Variants in NGEF observed in about 807,000 individuals in gnomAD.
NGEF encodes neuronal guanine nucleotide exchange factor, also known as ephexin-1.
Under a neutral mutation model 80.9 loss-of-function variants are expected in NGEF, and 31 were observed. The observed-to-expected ratio is 0.38, with a 90% CI of 0.29 to 0.52. The LOEUF (loss-of-function observed/expected upper bound fraction) is 0.52. Ranked by LOEUF, NGEF falls within the 20% of genes least tolerant of loss-of-function variation. NGEF has a pLI of 0.84. For synonymous variants in NGEF, 371 were observed against 370.2 expected, an observed-to-expected ratio of 1.00 and a Z score of -0.03; for missense variants, 709 against 926.2, an observed-to-expected ratio of 0.77 and a Z score of 3.04.
At chr2:233,001,263 C>G (rs547922431) in intron 1 of NGEF, among the ~76,000 whole-genome samples, 1 of 152,356 alleles carries the variant, frequency 6.6e-6, no homozygotes, top group Non-Finnish European at 1.5e-5. Flanking sequence ...TCAGGCCCAG[C>G]AGAGCAGGCA....
chr2:232,953,318 AAAG>A (rs1348911007), intron 3 of NGEF, among the ~76,000 whole-genome samples: 5 of 148,678 alleles, frequency 3.4e-5, no homozygotes, highest in African/African-American at 1.2e-4. Context: ...AAAAAAAAAA[AAAG>A]AAAAAGAAAG....
chr2:232,993,398 TAAAAG>T (rs1694713983), intron 1 of NGEF, among the ~76,000 whole-genome samples: 1 of 151,468 alleles, frequency 6.6e-6, no homozygotes. Context: ...GGGTGGCTGT[TAAAAG>T]AAAGATGGAT....
At chr2:232,890,507 C>T (rs926968875) in intron 8 of NGEF, among the ~76,000 whole-genome samples, 4 of 152,196 alleles carry the variant, frequency 2.6e-5, no homozygotes, top group African/African-American at 9.7e-5. Context: ...TTAACTCTGA[C>T]CTCTGACACT....
In NGEF at chr2:232,891,507, G is replaced by GAGTA. The variant is rs776381131; in HGVS notation, c.1143-24_1143-21dup. The GAGTA allele has an allele frequency of 1.2e-6, 2 of 1,609,316 alleles. No individual in the cohort carries two copies. The highest frequency in any genetic ancestry group is 1.7e-6 in the Non-Finnish European group (2 of 1,177,984). On this transcript the variant is annotated intron_variant, in intron 7 of 14. Coordinates refer to ENST00000264051, the MANE Select transcript of NGEF (RefSeq NM_019850.3). ...TCCTGGCTGGGGACACAGACAGGTG[G>GAGTA]AGTAGGTCTCTGAGCTGCAGGAGGC... is the stretch of plus-strand genomic sequence containing the variant.
At chr2:232,955,315 C>G (rs1271835549) in intron 3 of NGEF, among the ~76,000 whole-genome samples, 7 of 152,128 alleles carry the variant, frequency 4.6e-5, no homozygotes, top group Non-Finnish European at 8.8e-5. Context: ...CTATATAACC[C>G]AAACACAACC....
intron 3 of NGEF, chr2:232,927,972 C>A: frequency 7.7e-7 from 1 of 1,291,448 alleles, no homozygotes; most frequent in Non-Finnish European, 9.8e-7. Context: ...GCGCAGGCGG[C>A]GCTGAAGGCA....
chr2:232,922,201 TATTATTCCTTCTTTATCTA>T (rs1172012379), intron 4 of NGEF, among the ~76,000 whole-genome samples: 1 of 152,252 alleles, frequency 6.6e-6, no homozygotes. Flanking sequence ...AACTGTTAGC[TATTATTCCTTCTTTATCTA>T]ATTGTTAAAC....
At chr2:233,010,655 C>G (rs1457936940) in intron 1 of NGEF, among the ~76,000 whole-genome samples, 2 of 152,182 alleles carry the variant, frequency 1.3e-5, no homozygotes, top group African/African-American at 4.8e-5. Context: ...CTCCCAGGTC[C>G]TTAATCAACC....
At chr2:232,982,810 G>T (rs1037035672) in intron 1 of NGEF, among the ~76,000 whole-genome samples, 1 of 152,202 alleles carries the variant, frequency 6.6e-6, no homozygotes, top group South Asian at 2.1e-4. Context: ...CACTGCGCCC[G>T]GCAGCCTTGG....
At chr2:232,893,808 G>A (rs1186133537) in intron 6 of NGEF, among the ~76,000 whole-genome samples, 1 of 152,172 alleles carries the variant, frequency 6.6e-6, no homozygotes, top group East Asian at 1.9e-4. Context: ...CGCAGCAGAA[G>A]CCCAGGGGTC....
chr2:232,971,410 C>A (rs867282623), intron 2 of NGEF, among the ~76,000 whole-genome samples: 1 of 152,150 alleles, frequency 6.6e-6, no homozygotes, highest in African/African-American at 2.4e-5. Flanking sequence ...TAAGGCTAGG[C>A]GCGGTGGCTC....
intron 8 of NGEF, among the ~76,000 whole-genome samples, chr2:232,889,660 T>C (rs536294546): frequency 5.9e-5 from 9 of 152,248 alleles, no homozygotes; most frequent in Non-Finnish European, 1.3e-4. Flanking sequence ...CCCACGGAAC[T>C]GCGTTCATCA....
chr2:232,904,494 G>C (rs146491047), intron 5 of NGEF, among the ~76,000 whole-genome samples: 2 of 152,222 alleles, frequency 1.3e-5, no homozygotes, highest in African/African-American at 4.8e-5. Flanking sequence ...CTCCCAAAGT[G>C]CTGGGAGTAC....
intron 5 of NGEF, among the ~76,000 whole-genome samples, chr2:232,917,584 C>G (rs1257203781): frequency 6.6e-6 from 1 of 151,578 alleles, no homozygotes; most frequent in Non-Finnish European, 1.5e-5. Flanking sequence ...ATTCTCCTGT[C>G]TCAGCCTCCC....
intron 1 of NGEF, among the ~76,000 whole-genome samples, chr2:232,997,864 C>T (rs1279318475): frequency 6.6e-6 from 1 of 152,208 alleles, no homozygotes; most frequent in Non-Finnish European, 1.5e-5. Context: ...CACGCCTCTG[C>T]CTGGCGTCAC....
chr2:233,005,176 A>C (rs1384839914), intron 1 of NGEF, among the ~76,000 whole-genome samples: 3 of 152,178 alleles, frequency 2.0e-5, no homozygotes, highest in Non-Finnish European at 4.4e-5. Context: ...CCAATGTGCC[A>C]TTTCTGGGAT....
At chr2:232,966,965 C>A (rs1694073145) in intron 3 of NGEF, among the ~76,000 whole-genome samples, 1 of 152,138 alleles carries the variant, frequency 6.6e-6, no homozygotes, top group South Asian at 2.1e-4. Context: ...GCTTAAGCCA[C>A]ATCAGAGACA....
intron 9 of NGEF, among the ~76,000 whole-genome samples, chr2:232,887,768 C>T (rs928415410): frequency 5.9e-5 from 9 of 152,194 alleles, no homozygotes; most frequent in Non-Finnish European, 1.2e-4. Context: ...GCTGTCCCCA[C>T]ATCCATGCCA....
intron 1 of NGEF, among the ~76,000 whole-genome samples, chr2:232,976,490 C>T (rs1694297615): frequency 6.6e-6 from 1 of 152,148 alleles, no homozygotes; most frequent in Non-Finnish European, 1.5e-5. Flanking sequence ...CTACCCCAGG[C>T]CGAGAATGCC....
Sources: allele counts gnomAD v4.1 joint callset (sites outside exome capture counted in the v4.1 genomes callset), GRCh38; gene constraint gnomAD v4.1.1; transcripts MANE v1.5; gene names NCBI Gene and HGNC (gene_info 2026-07-23, HGNC 2026-07-21).